The following KMT2C variants were observed in gnomAD, a reference collection of about 807,000 sequenced individuals.
KMT2C encodes lysine methyltransferase 2C, also known as histone-lysine N-methyltransferase 2C.
KMT2C carries 88 observed loss-of-function variants against 507.9 expected under a neutral mutation model. The ratio of observed to expected loss-of-function variants is 0.17; its 90% CI spans 0.15 to 0.21. The LOEUF is 0.21. KMT2C is among the 10% of genes least tolerant of loss of function. The pLI, the probability that KMT2C is intolerant of heterozygous loss-of-function variation, is 1.00. For missense variants in KMT2C, 4,954 were observed against 5,957.8 expected (o/e 0.83, Z 5.55); for synonymous variants, 2,049 against 2,080.8 (o/e 0.98, Z 0.42).
intron 16 of KMT2C, among the ~76,000 whole-genome samples, chr7:152,235,207 G>GTATGTGTATATATATATATATATA (rs950086494): frequency 1.4e-5 from 2 of 142,422 alleles, no homozygotes; most frequent in African/African-American, 5.5e-5. Context: ...TTTCAAGGGT[G>GTATGTGTATATATATATATATATA]TATATATATA....
rs1440828737 is a variant in KMT2C at position 152,188,634 on chromosome 7, A to G, written c.4661-787T>C. Among the ~76,000 whole-genome samples, 4 of 103,528 alleles carry G rather than the reference A, an allele frequency of 3.9e-5. No individual in the cohort carries two copies. The Admixed American group carries it at 4.8e-4, about 13-fold the overall frequency. The allele number at this position is 103,528 out of a possible 152,430, so 67.9% of individuals were successfully genotyped here. A position where few individuals can be genotyped will look rare whatever the true frequency, so the allele number is the denominator to read the frequency against. On this transcript the variant is annotated intron_variant, in intron 31 of 58. Transcript: ENST00000262189. ...TTTTTTTTTTTTTTTTGTTTTTGAG[A>G]TGGAGTCTCACTCTGTCGCCCAGGC...
Position 152,163,265 on chromosome 7 carries a change from C to T in KMT2C, c.10312G>A (p.Gly3438Ser), listed in dbSNP as rs1414926589. The change falls in exon 43 of 59, where the codon GGC (glycine) becomes AGC (serine). Residue 3438 changes from glycine (G) to serine (S), a missense_variant. Physicochemically the swap from Gly to Ser is moderately conservative, Grantham distance 56 (BLOSUM62 0). This residue lies in a region of KMT2C where 801 missense variants were observed against 751.2 expected (regional missense o/e 1.07). Coordinates refer to ENST00000262189, the MANE Select transcript of KMT2C (RefSeq NM_170606.3). ...RMEMEQHGMV[G>S]SEISSSRTSV... is the part of the protein sequence containing the mutation. ...GTCCTACTACTACTTATCTCAGAGC[C>T]CACCATACCATGCTGCTCCATTTCC... 2 of 1,614,020 alleles carry T rather than the reference C, an allele frequency of 1.2e-6. No individual in the cohort carries two copies. Among genetic ancestry groups the T allele is most frequent in the African/African-American group, 2.7e-5 (2 of 74,906 alleles).
At chr7:152,337,128 G>A (rs2096942819) in intron 2 of KMT2C, among the ~76,000 whole-genome samples, 1 of 152,110 alleles carries the variant, frequency 6.6e-6, no homozygotes, top group Non-Finnish European at 1.5e-5. Flanking sequence ...AATTCAGCCG[G>A]CCTTGGTGGC....
At chr7:152,173,384 A>G (rs571962336) in intron 39 of KMT2C, among the ~76,000 whole-genome samples, 1 of 152,340 alleles carries the variant, frequency 6.6e-6, no homozygotes, top group African/African-American at 2.4e-5. Context: ...CGTAAGACTC[A>G]TTCATGACGC....
In KMT2C at chr7:152,177,765, T is replaced by C. The variant is rs2093267859; in HGVS notation, c.7688A>G (p.His2563Arg). ...CCGTTGCCTTCCGTCAGGAGCCCTA[T>C]GTCTCAGTTCAATATATGCTTGGCC... ...ILGQAYIELRHRAPDGRQRLP... is the reference protein window; with the variant it reads ...ILGQAYIELRRRAPDGRQRLP... The change falls in exon 38 of 59, where the codon CAT becomes CGT. Residue 2563 changes from histidine to arginine, a missense_variant. His to Arg is a conservative substitution (Grantham distance 29). Transcript: ENST00000262189. 6.2e-6 allele frequency: 10 copies of C among 1,614,136 alleles called. No individual in the cohort carries two copies. Among genetic ancestry groups the C allele is most frequent in the Non-Finnish European group, 8.5e-6 (10 of 1,180,016 alleles).
At chr7:152,433,337 A>C (rs531412606) in intron 1 of KMT2C, among the ~76,000 whole-genome samples, 1 of 152,382 alleles carries the variant, frequency 6.6e-6, no homozygotes, top group South Asian at 2.1e-4. Flanking sequence ...CTGGTTACAC[A>C]TAAGTTTCAC....
At chr7:152,300,595 G>C (rs952933024) in intron 6 of KMT2C, among the ~76,000 whole-genome samples, 4 of 152,170 alleles carry the variant, frequency 2.6e-5, no homozygotes, top group African/African-American at 9.7e-5. Flanking sequence ...TTGCCATTGA[G>C]GTCTTTCTAC....
At chr7:152,409,387 T>G (rs930608300) in intron 1 of KMT2C, among the ~76,000 whole-genome samples, 9 of 150,698 alleles carry the variant, frequency 6.0e-5, no homozygotes, top group African/African-American at 1.7e-4. Flanking sequence ...GTAATTAAAT[T>G]CTGGTAATCA....
rs1554583517 is a variant in KMT2C, at chr7:152,255,109, T to TTATG, written c.1300-2395_1300-2394insCATA. Among the ~76,000 whole-genome samples the TTATG allele has an allele frequency of 1.6e-3, 128 of 78,350 alleles. 2 individuals are homozygous for TTATG. The highest frequency in any genetic ancestry group is 2.8e-3 in the Non-Finnish European group (103 of 37,260). The allele number at this position is 78,350 out of a possible 152,430, so 51.4% of individuals were successfully genotyped here. ...AATCAAGATGTCAATCAACTCTCAC[T>TTATG]TATATATATATATATATATATATAT... On this transcript the variant is annotated intron_variant, in intron 9 of 58. Coordinates refer to ENST00000262189, the MANE Select transcript of KMT2C (RefSeq NM_170606.3).
chr7:152,165,960 T>C (rs938194002), intron 42 of KMT2C, among the ~76,000 whole-genome samples: 3 of 152,180 alleles, frequency 2.0e-5, no homozygotes, highest in Admixed American at 2.0e-4. Flanking sequence ...AGTGCTGGGA[T>C]TACAGGCGTG....
At chr7:152,394,746 T>C (rs1490252589) in intron 1 of KMT2C, among the ~76,000 whole-genome samples, 5 of 152,256 alleles carry the variant, frequency 3.3e-5, no homozygotes, top group African/African-American at 1.2e-4. Context: ...TGCTCACTGC[T>C]GTATTTCCCG....
At chr7:152,169,528 G>A (rs1212649848) in intron 40 of KMT2C, among the ~76,000 whole-genome samples, 4 of 151,836 alleles carry the variant, frequency 2.6e-5, no homozygotes, top group Non-Finnish European at 5.9e-5. Flanking sequence ...TATAATACAG[G>A]GCAAATCAAT....
At chr7:152,204,919 A>AT (rs1354750959) in intron 25 of KMT2C, among the ~76,000 whole-genome samples, 187 bp downstream of exon 25, 1 of 152,076 alleles carries the variant, frequency 6.6e-6, no homozygotes, top group Non-Finnish European at 1.5e-5. Context: ...TGTATTACAG[A>AT]TATGAACTCT....
intron 6 of KMT2C, among the ~76,000 whole-genome samples, chr7:152,285,691 AAT>A (rs1324915515): frequency 2.6e-5 from 4 of 152,378 alleles, no homozygotes; most frequent in African/African-American, 9.6e-5. Flanking sequence ...TCTATATTTA[AAT>A]AGAGTTTCAG....
rs200302468 is a variant in KMT2C at position 152,163,414 on chromosome 7, T to G, written c.10163A>C (p.Asn3388Thr). The change falls in exon 43 of 59, where the codon AAC (asparagine) becomes ACC (threonine). Residue 3388 changes from asparagine (N) to threonine (T), a missense_variant. This residue lies in a region of KMT2C where 801 missense variants were observed against 751.2 expected (regional missense o/e 1.07). Transcript: ENST00000262189. Reference protein sequence around the residue: ...GPPPRVEFDDNNPFSESFQER... With the variant: ...GPPPRVEFDDTNPFSESFQER... ...TTGAAAACTTTCACTAAAGGGATTG[T>G]TGTCATCAAATTCTACCCGAGGTGG... is the stretch of plus-strand genomic sequence containing the variant. The G allele has an allele frequency of 1.2e-6, 2 of 1,614,242 alleles. No individual in the cohort carries two copies. Among genetic ancestry groups the G allele is most frequent in the African/African-American group, 1.3e-5 (1 of 75,062 alleles).
At chr7:152,204,997 T>A (rs559009304) in intron 25 of KMT2C, 109 bp downstream of exon 25, 9 of 651,784 alleles carry the variant, frequency 1.4e-5, no homozygotes, top group South Asian at 1.3e-4. Context: ...TAAGAGGCAA[T>A]AAGGCTCTTA....
In KMT2C at chr7:152,186,718, T is replaced by C. The variant is rs114102152; in HGVS notation, c.5008+544A>G. 9.5e-3 allele frequency among the ~76,000 whole-genome samples: 1,445 copies of C among 152,312 alleles called. 27 individuals are homozygous for C. The highest frequency in any genetic ancestry group is 0.033 in the African/African-American group (1,362 of 41,548). ...ATGAACTCAAAATAATAAAACCGCA[T>C]TGCTTGCATATATTCAATAATTGAC... On this transcript the variant is annotated intron_variant, in intron 33 of 58. Coordinates refer to ENST00000262189, the MANE Select transcript of KMT2C (RefSeq NM_170606.3).
intron 7 of KMT2C, among the ~76,000 whole-genome samples, chr7:152,269,628 T>C (rs2095922350): frequency 6.6e-6 from 1 of 152,166 alleles, no homozygotes; most frequent in African/African-American, 2.4e-5. Context: ...AGGAGTAAAT[T>C]CCAGGTCTAT....
At chr7:152,245,535 T>A (rs1423526635) in intron 14 of KMT2C, among the ~76,000 whole-genome samples, 2 of 152,184 alleles carry the variant, frequency 1.3e-5, no homozygotes, top group African/African-American at 4.8e-5. Flanking sequence ...AAATTACACA[T>A]ATGGTCTGCA....
Sources: allele counts gnomAD v4.1 joint callset (sites outside exome capture counted in the v4.1 genomes callset), GRCh38; gene constraint gnomAD v4.1.1; regional missense constraint gnomAD v4.1.1; transcripts MANE v1.5; gene names NCBI Gene and HGNC (gene_info 2026-07-23, HGNC 2026-07-21).